Variants in ARHGEF6 observed in about 807,000 individuals in gnomAD.
ARHGEF6 encodes the protein Rac/Cdc42 guanine nucleotide exchange factor 6, also known as rho guanine nucleotide exchange factor 6.
A neutral mutation model predicts 70.3 loss-of-function variants in ARHGEF6; 9 were observed. The observed-to-expected ratio is 0.13, with a 90% confidence interval of 0.08 to 0.22. ARHGEF6 has a LOEUF of 0.22. Ranked by LOEUF, ARHGEF6 falls within the 10% of genes least tolerant of loss-of-function variation. ARHGEF6 has a pLI of 1.00. For missense variants in ARHGEF6, 470 were observed against 563.0 expected, an observed-to-expected ratio of 0.83 and a Z score of 1.67; for synonymous variants, 201 against 207.8, an observed-to-expected ratio of 0.97 and a Z score of 0.28.
intron 9 of ARHGEF6, among the ~76,000 whole-genome samples, chrX:136,699,437 C>A (rs145355701): frequency 0.027 from 2,980 of 110,732 alleles, 41 homozygotes; most frequent in Non-Finnish European, 0.045. Flanking sequence ...GTGAAAAAAT[C>A]ATTAAAGCAC....
At chrX:136,671,099 G>C (rs1294624463) in intron 20 of ARHGEF6, among the ~76,000 whole-genome samples, 1 of 111,970 alleles carries the variant, frequency 8.9e-6, no homozygotes, top group Non-Finnish European at 1.9e-5. Context: ...ATTATTTATT[G>C]AGCTAGCCTT....
At chrX:136,740,615 A>G (rs1429243814) in intron 5 of ARHGEF6, among the ~76,000 whole-genome samples, 1 of 111,007 alleles carries the variant, frequency 9.0e-6, no homozygotes, top group Non-Finnish European at 1.9e-5. Flanking sequence ...TATAGGAGAA[A>G]TTTTAAAATG....
intron 4 of ARHGEF6, among the ~76,000 whole-genome samples, 165 bp downstream of exon 4, chrX:136,745,058 T>C (rs370670363): frequency 3.6e-5 from 4 of 112,306 alleles, no homozygotes; most frequent in African/African-American, 1.3e-4. Context: ...GCCTTTGATT[T>C]GCTCCTTCGG....
intron 2 of ARHGEF6, among the ~76,000 whole-genome samples, chrX:136,748,192 C>T (rs1017455469): frequency 8.9e-6 from 1 of 111,899 alleles, no homozygotes; most frequent in Non-Finnish European, 1.9e-5. Context: ...AGCTTCAGTT[C>T]TGTTTCTGCT....
At chrX:136,771,018 T>C (rs1285070934) in intron 2 of ARHGEF6, among the ~76,000 whole-genome samples, 1 of 112,172 alleles carries the variant, frequency 8.9e-6, no homozygotes, top group East Asian at 2.8e-4. Flanking sequence ...TATATTTCTA[T>C]ACACTTGCAG....
chrX:136,727,361 C>A (rs2076870033), intron 6 of ARHGEF6, among the ~76,000 whole-genome samples: 3 of 63,994 alleles, frequency 4.7e-5, no homozygotes, highest in Admixed American at 1.9e-4. Flanking sequence ...TTCTTTCTTT[C>A]TTTCTTTCTT....
chrX:136,688,044 T>C (rs776584080), intron 10 of ARHGEF6, 53 bp from the exon 11 acceptor site: 1 of 992,810 alleles, frequency 1.0e-6, no homozygotes, highest in African/African-American at 1.9e-5. Context: ...GATCAGCAGT[T>C]GCCAAGGGTT....
chrX:136,761,341 A>G (rs1345206263), intron 2 of ARHGEF6, among the ~76,000 whole-genome samples: 2 of 112,448 alleles, frequency 1.8e-5, no homozygotes, highest in Non-Finnish European at 3.8e-5. Flanking sequence ...ACTGTAGTTA[A>G]AAGTTCCAAT....
chrX:136,716,389 A>G (rs2076737585), intron 6 of ARHGEF6, among the ~76,000 whole-genome samples: 1 of 111,937 alleles, frequency 8.9e-6, no homozygotes, highest in African/African-American at 3.2e-5. Context: ...CCTAAGCGGG[A>G]GAACTAGGAA....
intron 5 of ARHGEF6, among the ~76,000 whole-genome samples, chrX:136,736,619 G>GTGTGTA (rs759999771): frequency 0.01 from 446 of 43,042 alleles, no homozygotes; most frequent in East Asian, 0.071. Flanking sequence ...TTAAAAAGAG[G>GTGTGTA]TGTGTGTGTG....
chrX:136,767,420 G>C (rs959575475), intron 2 of ARHGEF6: 1 of 755,197 alleles, frequency 1.3e-6, no homozygotes. Flanking sequence ...AGGAGGGGGC[G>C]CCCGTCTCCA....
In ARHGEF6 at chrX:136,680,593, T is replaced by C. The variant is rs1030722324; in HGVS notation, c.1704+138A>G. ...TAATGAGAAATCAGAATGAGTGAGG[T>C]TTAACTGTACTTCAAAATCTACAAA... On this transcript the variant is annotated intron_variant, in intron 15 of 21. Transcript: ENST00000250617. The C allele has an allele frequency of 1.0e-4, 72 of 713,291 alleles. No individual in the cohort carries two copies. In the Admixed American group the frequency reaches 1.6e-3, roughly 16 times the overall value. The allele number at this position is 713,291 out of a possible 1,213,427, so 58.8% of individuals were successfully genotyped here. A position where few individuals can be genotyped will look rare whatever the true frequency, so the allele number is the denominator to read the frequency against.
intron 2 of ARHGEF6, chrX:136,767,910 C>T: frequency 5.4e-6 from 3 of 557,039 alleles, no homozygotes; most frequent in Non-Finnish European, 6.5e-6. Flanking sequence ...GCGGTGTACC[C>T]GCGGCGGCCA....
chrX:136,767,422 C>G, intron 2 of ARHGEF6: 2 of 755,132 alleles, frequency 2.6e-6, no homozygotes, highest in South Asian at 1.3e-4. Context: ...GAGGGGGCGC[C>G]CGTCTCCAAA....
chrX:136,755,559 C>T (rs2077197466), intron 2 of ARHGEF6, among the ~76,000 whole-genome samples: 1 of 111,521 alleles, frequency 9.0e-6, no homozygotes, highest in Non-Finnish European at 1.9e-5. Context: ...TGGTAAATAG[C>T]CCCACACAAA....
At chrX:136,760,306 ATGCTG>A (rs914531249) in intron 2 of ARHGEF6, among the ~76,000 whole-genome samples, 19 of 112,543 alleles carry the variant, frequency 1.7e-4, no homozygotes, top group African/African-American at 6.1e-4. Flanking sequence ...TGCATACCTT[ATGCTG>A]TGCTGGCAAC....
At position 136,667,531 on chromosome X, in the gene ARHGEF6, A is replaced by G. The variant is rs1210061631; in HGVS notation, c.*498T>C. 8.1e-6 allele frequency: 1 copy of G among 123,679 alleles called. No homozygotes were observed. Among genetic ancestry groups the G allele is most frequent in the Non-Finnish European group, 1.7e-5 (1 of 60,405 alleles). 10.2% of individuals were successfully genotyped at this position (123,679 alleles called of 1,213,427 possible). A position where few individuals can be genotyped will look rare whatever the true frequency, so the allele number is the denominator to read the frequency against. ...TAGTCTGGAAGATTTGCCTTCGGTA[A>G]ATTAAGTACTAAGAGGCTTGCAGGT... is the stretch of plus-strand genomic sequence containing the variant. On this transcript the variant is annotated 3_prime_UTR_variant, in exon 22 of 22. Transcript: ENST00000250617.
chrX:136,704,408 C>G (rs2076606077), intron 9 of ARHGEF6, among the ~76,000 whole-genome samples: 1 of 112,377 alleles, frequency 8.9e-6, no homozygotes, highest in African/African-American at 3.2e-5. Context: ...TCTGAATAGA[C>G]ATTTCTTTGA....
intron 2 of ARHGEF6, chrX:136,767,515 T>C (rs1252593816): frequency 1.3e-6 from 1 of 753,674 alleles, no homozygotes; most frequent in African/African-American, 2.3e-5. Flanking sequence ...CTCAAGTTCT[T>C]GTTGCCATAG....
Sources: gnomAD v4.1 joint callset for allele counts (sites outside exome capture counted in the v4.1 genomes callset) on GRCh38, gnomAD v4.1.1 for gene constraint, MANE v1.5 for transcripts, NCBI Gene and HGNC (gene_info 2026-07-23, HGNC 2026-07-21) for gene names.